The following COL25A1 variants were observed in gnomAD, a reference collection of about 807,000 sequenced individuals.
COL25A1 encodes collagen type XXV alpha 1 chain, also known as collagen alpha-1(XXV) chain.
In COL25A1, 103 loss-of-function variants were observed where a neutral mutation model predicts 128.4. That is an observed-to-expected ratio of 0.80 (90% confidence interval 0.68 to 0.94). COL25A1 has a LOEUF of 0.94. Among genes scored for constraint, COL25A1 ranks in the 40% least tolerant of loss-of-function variants. The probability of loss-of-function intolerance (pLI) is 0.00; values close to 1 mark genes in which losing one functional copy is unlikely to be tolerated. For synonymous variants in COL25A1, 279 were observed against 277.2 expected (o/e 1.01, Z -0.06); for missense variants, 745 against 840.0 (o/e 0.89, Z 1.40).
chr4:109,007,786 G>T (rs1374633525), intron 6 of COL25A1, among the ~76,000 whole-genome samples: 1 of 134,110 alleles, frequency 7.5e-6, no homozygotes, highest in Non-Finnish European at 1.5e-5. Flanking sequence ...GTAAATATAG[G>T]ACCTGATGTG....
chr4:109,014,898 T>C (rs529187980), intron 5 of COL25A1, among the ~76,000 whole-genome samples: 46 of 152,338 alleles, frequency 3.0e-4, no homozygotes, highest in Middle Eastern at 3.4e-3. Flanking sequence ...ACCACTCTTC[T>C]ATGAGATTCC....
chr4:109,062,447 A>C (rs1323692260), intron 3 of COL25A1, among the ~76,000 whole-genome samples: 1 of 152,206 alleles, frequency 6.6e-6, no homozygotes, highest in Non-Finnish European at 1.5e-5. Flanking sequence ...AACTGTAGTA[A>C]ATATAGAAGA....
intron 13 of COL25A1, among the ~76,000 whole-genome samples, 157 bp from the exon 14 acceptor site, chr4:108,901,329 G>A (rs566653785): frequency 3.3e-5 from 5 of 152,072 alleles, no homozygotes; most frequent in African/African-American, 7.2e-5. Context: ...GGTCCAAAAC[G>A]CTGCATGTAA....
intron 24 of COL25A1, among the ~76,000 whole-genome samples, chr4:108,853,395 C>CAT (rs150104764): frequency 0.012 from 1,758 of 151,380 alleles, 33 homozygotes; most frequent in African/African-American, 0.038. Flanking sequence ...TGTGTGTGTG[C>CAT]GTGTGTGTGT....
At chr4:109,198,205 G>A (rs1776277416) in intron 3 of COL25A1, among the ~76,000 whole-genome samples, 1 of 151,844 alleles carries the variant, frequency 6.6e-6, no homozygotes, top group African/African-American at 2.4e-5. Flanking sequence ...GACAGGCCAG[G>A]AGGGCCCTCT....
intron 10 of COL25A1, 81 bp from the exon 11 acceptor site, chr4:108,937,924 TG>T: frequency 9.1e-7 from 1 of 1,104,530 alleles, no homozygotes; most frequent in Non-Finnish European, 1.3e-6. Context: ...CTTCTTTGAC[TG>T]GGGCATGTAA....
chr4:109,078,585 A>G (rs1763576164), intron 3 of COL25A1, among the ~76,000 whole-genome samples: 1 of 152,190 alleles, frequency 6.6e-6, no homozygotes, highest in South Asian at 2.1e-4. Context: ...ATACACATTT[A>G]TTAAAATGGA....
intron 8 of COL25A1, among the ~76,000 whole-genome samples, chr4:108,970,721 C>A (rs1751828062): frequency 6.6e-6 from 1 of 152,162 alleles, no homozygotes; most frequent in Non-Finnish European, 1.5e-5. Context: ...TCCCCACCAG[C>A]CATGGGTCAC....
At chr4:109,120,048 C>G (rs1767979326) in intron 3 of COL25A1, among the ~76,000 whole-genome samples, 1 of 152,086 alleles carries the variant, frequency 6.6e-6, no homozygotes. Context: ...TGGTCTGCAT[C>G]TATAGATTCA....
At chr4:108,948,003 T>G (rs989869821) in intron 8 of COL25A1, among the ~76,000 whole-genome samples, 1 of 152,208 alleles carries the variant, frequency 6.6e-6, no homozygotes, top group Non-Finnish European at 1.5e-5. Context: ...AAATACATCA[T>G]GCATTACAAC....
chr4:109,104,331 C>T (rs1487300654), intron 3 of COL25A1, among the ~76,000 whole-genome samples: 3 of 151,834 alleles, frequency 2.0e-5, no homozygotes, highest in Non-Finnish European at 2.9e-5. Context: ...TATAACTGTG[C>T]CACTACACTC....
intron 3 of COL25A1, among the ~76,000 whole-genome samples, chr4:109,207,631 GA>G (rs1267161645): frequency 6.6e-6 from 1 of 152,096 alleles, no homozygotes; most frequent in Non-Finnish European, 1.5e-5. Context: ...AAGTGTTAAA[GA>G]AAACAGAAAT....
chr4:108,819,255 T>C lies in COL25A1; in HGVS notation c.1920A>G (p.Gln640=), dbSNP rs200572202. The C allele has an allele frequency of 1.2e-5, 19 of 1,606,188 alleles. No homozygotes were observed. The East Asian group carries it at 2.2e-4, about 19-fold the overall frequency. Residue 640 remains glutamine (Q), a synonymous_variant, in exon 36 of 38, where the codon CAA becomes CAG. Coordinates refer to ENST00000399132, the MANE Select transcript of COL25A1 (RefSeq NM_198721.4). Reference sequence around the variant, plus strand: ...GTAGGAAAGAGAAATACTGTACCAATTGGCAAGGGGCATCCAGCCCATCCA... The same window carrying C: ...GTAGGAAAGAGAAATACTGTACCAACTGGCAAGGGGCATCCAGCCCATCCA... ...PGLDGLDAPC[Q]LGPDGLPMPG...
chr4:109,157,751 A>G (rs1247451282), intron 3 of COL25A1, among the ~76,000 whole-genome samples: 1 of 152,240 alleles, frequency 6.6e-6, no homozygotes, highest in Non-Finnish European at 1.5e-5. Flanking sequence ...CACCATCTAT[A>G]TATAAAAAAT....
At chr4:109,106,477 GT>G (rs1438613680) in intron 3 of COL25A1, among the ~76,000 whole-genome samples, 2 of 152,026 alleles carry the variant, frequency 1.3e-5, no homozygotes, top group Non-Finnish European at 2.9e-5. Context: ...AGACAGATTT[GT>G]GATTAAGACT....
At chr4:109,018,129 A>T (rs566630699) in intron 5 of COL25A1, among the ~76,000 whole-genome samples, 2 of 151,758 alleles carry the variant, frequency 1.3e-5, no homozygotes, top group African/African-American at 4.8e-5. Context: ...ACCTCAAAAA[A>T]CTCTGAGCAG....
chr4:108,960,303 C>T (rs1450163622), intron 8 of COL25A1, among the ~76,000 whole-genome samples: 2 of 151,996 alleles, frequency 1.3e-5, no homozygotes, highest in Non-Finnish European at 1.5e-5. Context: ...ATATATTACA[C>T]ATTTTTTAAA....
intron 13 of COL25A1, among the ~76,000 whole-genome samples, chr4:108,915,077 C>T (rs535696860): frequency 6.6e-5 from 10 of 152,252 alleles, no homozygotes; most frequent in African/African-American, 2.4e-4. Flanking sequence ...TGTTCTGTAG[C>T]CCTTCATAGG....
chr4:109,266,761 T>C (rs1781830462), intron 3 of COL25A1, among the ~76,000 whole-genome samples: 1 of 152,180 alleles, frequency 6.6e-6, no homozygotes, highest in Non-Finnish European at 1.5e-5. Context: ...ACATTTGAAT[T>C]ACATATTTTC....
Sources: gnomAD v4.1 joint callset for allele counts (sites outside exome capture counted in the v4.1 genomes callset) on GRCh38, gnomAD v4.1.1 for gene constraint, MANE v1.5 for transcripts, NCBI Gene and HGNC (gene_info 2026-07-23, HGNC 2026-07-21) for gene names.